HERC2: variants seen among roughly 807,000 people sequenced by gnomAD.
HERC2 encodes E3 ubiquitin-protein ligase HERC2.
A neutral mutation model predicts 537.7 loss-of-function variants in HERC2; 102 were observed. The ratio of observed to expected loss-of-function variants is 0.19; its 90% CI spans 0.16 to 0.22. The LOEUF (loss-of-function observed/expected upper bound fraction) is 0.22, where lower values mean the gene tolerates loss of function less well. Among genes scored for constraint, HERC2 ranks in the 10% least tolerant of loss-of-function variants. The pLI is 1.00. For missense variants in HERC2, 4,236 were observed against 6,198.2 expected, an observed-to-expected ratio of 0.68 and a Z score of 10.63; for synonymous variants, 2,224 against 2,466.2, an observed-to-expected ratio of 0.90 and a Z score of 2.91.
At chr15:28,313,328 C>T (rs1166356503) in intron 2 of HERC2, among the ~76,000 whole-genome samples, 1 of 152,194 alleles carries the variant, frequency 6.6e-6, no homozygotes, top group Non-Finnish European at 1.5e-5. Flanking sequence ...CAGGCGCACG[C>T]CACCACGCCC....
Position 28,220,643 on chromosome 15 carries a change from T to A in HERC2, c.5654A>T (p.Asp1885Val). The part of the protein sequence containing the change: ...RGVDWKWGDQ[D>V]GPPPGLGRVI... Reference sequence around the variant, plus strand: ...GCGGCCTAGGCCTGGAGGAGGCCCATCCTGAGAAAGCCAAAGTAGAGATCA... The same window carrying A: ...GCGGCCTAGGCCTGGAGGAGGCCCAACCTGAGAAAGCCAAAGTAGAGATCA... The change falls in exon 37 of 93, where the codon GAT (aspartate) becomes GTT (valine). Residue 1885 changes from aspartate to valine, a missense_variant and splice_region_variant. Asp to Val is a radical substitution (Grantham distance 152). Coordinates refer to ENST00000261609, the MANE Select transcript of HERC2 (RefSeq NM_004667.6). The A allele has an allele frequency of 6.2e-7, 1 of 1,603,746 alleles. No individual in the cohort carries two copies. The highest frequency in any genetic ancestry group is 8.5e-7 in the Non-Finnish European group (1 of 1,179,772).
intron 30 of HERC2, among the ~76,000 whole-genome samples, chr15:28,231,081 T>C (rs1390637232): frequency 6.6e-6 from 1 of 152,196 alleles, no homozygotes; most frequent in Non-Finnish European, 1.5e-5. Context: ...TGTTACTGTG[T>C]AACTGAATCA....
At position 28,177,470 on chromosome 15, in the gene HERC2, A is replaced by G; in HGVS notation, c.9203T>C (p.Val3068Ala). 1.2e-6 allele frequency: 2 copies of G among 1,614,260 alleles called. No individual in the cohort carries two copies. Among genetic ancestry groups the G allele is most frequent in the Non-Finnish European group, 1.7e-6 (2 of 1,180,040 alleles). The change falls in exon 60 of 93, where the codon GTG becomes GCG. Residue 3068 changes from valine to alanine, a missense_variant. Physicochemically the swap from Val to Ala is moderately conservative, Grantham distance 64. Coordinates refer to ENST00000261609, the MANE Select transcript of HERC2 (RefSeq NM_004667.6). The surrounding 1 kb of genome is among the most constrained non-coding windows in gnomAD (Gnocchi z 5.0). ...HATALTVDGK[V>A]FSWGEGDDGK... The stretch of plus-strand genomic sequence containing the variant: ...ATCGTCACCTTCGCCCCACGAAAAC[A>G]CTTTTCCATCGACAGTTAAAGCCGT...
chr15:28,257,084 T>C lies in HERC2; in HGVS notation c.2494A>G (p.Thr832Ala). 1.2e-6 allele frequency: 2 copies of C among 1,613,776 alleles called. No homozygotes were observed. The highest frequency in any genetic ancestry group is 1.7e-6 in the Non-Finnish European group (2 of 1,179,706). The change falls in exon 17 of 93, where the codon ACG (threonine) becomes GCG (alanine). Residue 832 changes from threonine (T) to alanine (A), a missense_variant. By Grantham distance (58) the Thr-to-Ala change is moderately conservative. Transcript: ENST00000261609. ...PQEKECVAVA[T>A]LNLLRLQLHA... ...ACCTGAAGTCGTAGAAGATTCAGCGTTGCCACGGCCACACACTCTTTCTCC... is the reference window on the plus strand; with the variant it reads ...ACCTGAAGTCGTAGAAGATTCAGCGCTGCCACGGCCACACACTCTTTCTCC...
intron 78 of HERC2, among the ~76,000 whole-genome samples, chr15:28,140,532 T>G (rs954197942): frequency 1.3e-5 from 2 of 152,128 alleles, no homozygotes; most frequent in Non-Finnish European, 2.9e-5. Context: ...AATCTTTTTT[T>G]GGGGGCGGAG....
At chr15:28,119,607 C>CA (rs1371788627) in intron 86 of HERC2, among the ~76,000 whole-genome samples, 3 of 151,840 alleles carry the variant, frequency 2.0e-5, no homozygotes, top group African/African-American at 7.3e-5. Context: ...GCACCCACCA[C>CA]CACACAAGGC....
At position 28,209,429 on chromosome 15, in the gene HERC2, T is replaced by C. The variant is rs183025263; in HGVS notation, c.7069+1573A>G. ...CACGATCTCGCCTCACTGCAAGCTCTGCCTCCCGAGTTCACACCATTCTCC... is the reference window on the plus strand; with the variant it reads ...CACGATCTCGCCTCACTGCAAGCTCCGCCTCCCGAGTTCACACCATTCTCC... On this transcript the variant is annotated intron_variant, in intron 44 of 92. Transcript: ENST00000261609. Among the ~76,000 whole-genome samples the C allele has an allele frequency of 2.2e-3, 331 of 152,158 alleles. 1 individual carries two copies. The highest frequency in any genetic ancestry group is 3.8e-3 in the Non-Finnish European group (261 of 67,990).
rs765558282 is a variant in HERC2 at position 28,201,552 on chromosome 15, A to G, written c.7620T>C (p.Ser2540=). Residue 2540 remains serine, a splice_region_variant and synonymous_variant, in exon 48 of 93, where the codon TCT becomes TCC. Transcript: ENST00000261609. ...EDVDDAAYSM[S]TGAVVTESQT... ...GGCTCTCCGTCACAACAGCACCAGT[A>G]GACTGCAAGAAATAAATACATTCAA... 1 of 1,606,176 alleles carries G rather than the reference A, an allele frequency of 6.2e-7. No homozygotes were observed. The highest frequency in any genetic ancestry group is 8.5e-7 in the Non-Finnish European group (1 of 1,172,774).
rs867039410 is a variant in HERC2, at chr15:28,272,810, G to A, written c.911+84C>T. On this transcript the variant is annotated intron_variant, in intron 8 of 92. Coordinates refer to ENST00000261609, the MANE Select transcript of HERC2 (RefSeq NM_004667.6). ...TACCACATCTGCTGCGGTCACAAAC[G>A]ATTCAGTGAAACACACACAATGCAA... is the stretch of plus-strand genomic sequence containing the variant. 53 of 878,194 alleles carry A rather than the reference G, an allele frequency of 6.0e-5. No individual in the cohort carries two copies. The African/African-American group carries it at 7.8e-4, about 13-fold the overall frequency. 54.4% of individuals were successfully genotyped at this position (878,194 alleles called of 1,614,324 possible).
chr15:28,132,419 A>G (rs1890202479), intron 80 of HERC2, among the ~76,000 whole-genome samples, 158 bp from the exon 81 acceptor site: 1 of 152,248 alleles, frequency 6.6e-6, no homozygotes, highest in Admixed American at 6.5e-5. Flanking sequence ...AAGAGAAAGC[A>G]CCTTCATCTA....
In HERC2 at chr15:28,280,286, A is replaced by G; in HGVS notation, c.324T>C (p.Asp108=). The part of the protein sequence containing the change: ...LDSWVWGKQP[D]VNELKECLSV... The stretch of plus-strand genomic sequence containing the variant: ...AAAGACACTCCTTCAGTTCATTCAC[A>G]TCTAGAAAATAAGACAAGAAAACAT... The change falls in exon 5 of 93, where the codon GAT becomes GAC. Residue 108 remains aspartate (D), a splice_region_variant and synonymous_variant. Transcript: ENST00000261609. The G allele has an allele frequency of 6.2e-7, 1 of 1,603,054 alleles. No individual in the cohort carries two copies. The highest frequency in any genetic ancestry group is 8.5e-7 in the Non-Finnish European group (1 of 1,175,986).
intron 57 of HERC2, among the ~76,000 whole-genome samples, chr15:28,181,767 A>C (rs1895840636): frequency 1.3e-5 from 2 of 152,352 alleles, no homozygotes; most frequent in Middle Eastern, 6.8e-3. Flanking sequence ...CAAAATACAA[A>C]TTAACCTCTC....
rs116163635 is a variant in HERC2 at position 28,142,125 on chromosome 15, A to T, written c.11700+113T>A. The T allele has an allele frequency of 9.2e-4, 1,081 of 1,169,174 alleles. 11 individuals are homozygous for T. In the African/African-American group the frequency reaches 0.015, roughly 16 times the overall value. 72.4% of individuals were successfully genotyped at this position (1,169,174 alleles called of 1,614,324 possible). A position where few individuals can be genotyped will look rare whatever the true frequency, so the allele number is the denominator to read the frequency against. ...TTTCACCTATGTGTTATTTTCTTTG[A>T]TATTCCTTGGCAAGCGAAATTTTTC... On this transcript the variant is annotated intron_variant, in intron 76 of 92. Coordinates refer to ENST00000261609, the MANE Select transcript of HERC2 (RefSeq NM_004667.6).
Position 28,130,278 on chromosome 15 carries a change from C to T in HERC2, c.12687G>A (p.Leu4229=). The T allele has an allele frequency of 3.1e-6, 5 of 1,614,164 alleles. No individual in the cohort carries two copies. Among genetic ancestry groups the T allele is most frequent in the Non-Finnish European group, 4.2e-6 (5 of 1,180,030 alleles). ...YTWGKGDYHR[L]GHGSDDHVRR... ...GAACATGGTCATCTGATCCATGGCC[C>T]AACCTGTGATAATCGCCTTTGCCCC... Residue 4229 remains leucine, a synonymous_variant, in exon 83 of 93, where the codon TTG becomes TTA. Coordinates refer to ENST00000261609, the MANE Select transcript of HERC2 (RefSeq NM_004667.6).
At chr15:28,230,565 A>C (rs1427827050) in intron 30 of HERC2, 65 bp from the exon 31 acceptor site, 1 of 1,090,162 alleles carries the variant, frequency 9.2e-7, no homozygotes, top group Non-Finnish European at 1.3e-6. Context: ...AAATTAAGAA[A>C]TACTTAGATT....
At chr15:28,130,456 A>C in intron 82 of HERC2, 47 bp downstream of exon 82, 1 of 1,582,608 alleles carries the variant, frequency 6.3e-7, no homozygotes, top group South Asian at 1.1e-5. Flanking sequence ...ACATACCCCA[A>C]TAAAAATCTG....
chr15:28,183,800 TA>T (rs1445966796), intron 56 of HERC2, among the ~76,000 whole-genome samples: 1 of 152,202 alleles, frequency 6.6e-6, no homozygotes, highest in African/African-American at 2.4e-5. Flanking sequence ...TGTTTTGGAA[TA>T]AAAGTGGAAA....
At chr15:28,155,538 G>A (rs1355946739) in intron 69 of HERC2, among the ~76,000 whole-genome samples, 2 of 151,800 alleles carry the variant, frequency 1.3e-5, no homozygotes, top group African/African-American at 2.4e-5. Context: ...ATTTTTTCAT[G>A]TGTCTGGTGG....
intron 7 of HERC2, 77 bp downstream of exon 7, chr15:28,274,213 CT>C: frequency 6.7e-7 from 1 of 1,500,734 alleles, no homozygotes; most frequent in Non-Finnish European, 9.1e-7. Flanking sequence ...CTTCTTAGCT[CT>C]AAAGCAAGGG....
Sources: allele counts gnomAD v4.1 joint callset (sites outside exome capture counted in the v4.1 genomes callset), GRCh38; gene constraint gnomAD v4.1.1; non-coding constraint Gnocchi (gnomAD v3.1); transcripts MANE v1.5; gene names NCBI Gene and HGNC (gene_info 2026-07-23, HGNC 2026-07-21).